MNAT1: variants seen among roughly 807,000 people sequenced by gnomAD.
The protein encoded by MNAT1 is MNAT1 component of CDK activating kinase.
Under a neutral mutation model 42.0 loss-of-function variants are expected in MNAT1, and 43 were observed. The observed-to-expected ratio is 1.02, with a 90% CI of 0.80 to 1.32. The LOEUF (loss-of-function observed/expected upper bound fraction) is 1.32, where lower values mean the gene tolerates loss of function less well. Among genes scored for constraint, MNAT1 ranks in the 40% most tolerant of loss-of-function variants. MNAT1 has a pLI of 0.00. For missense variants in MNAT1, 306 were observed against 350.4 expected (o/e 0.87, Z 1.01); for synonymous variants, 118 against 120.0 (o/e 0.98, Z 0.11).
chr14:60,944,194 A>G (rs1221633259), intron 7 of MNAT1, among the ~76,000 whole-genome samples: 1 of 152,204 alleles, frequency 6.6e-6, no homozygotes, highest in Non-Finnish European at 1.5e-5. Flanking sequence ...TAGACAGTTA[A>G]CTGACTCTTA....
intron 5 of MNAT1, among the ~76,000 whole-genome samples, chr14:60,815,341 A>G (rs1461152164): frequency 6.6e-6 from 1 of 151,588 alleles, no homozygotes; most frequent in Non-Finnish European, 1.5e-5. Context: ...TAGCCTCCCG[A>G]GTAGCTAGGA....
chr14:60,906,215 A>C (rs1296117938), intron 7 of MNAT1, among the ~76,000 whole-genome samples: 1 of 152,162 alleles, frequency 6.6e-6, no homozygotes, highest in Non-Finnish European at 1.5e-5. Context: ...TGGTAGGAGA[A>C]TAGGTTCAGA....
intron 6 of MNAT1, among the ~76,000 whole-genome samples, chr14:60,861,671 C>CAT (rs2034098689): frequency 6.6e-6 from 1 of 152,150 alleles, no homozygotes; most frequent in Non-Finnish European, 1.5e-5. Context: ...CCTGAATCAA[C>CAT]ATATTTTAGT....
At chr14:60,797,694 G>A (rs1329297866) in intron 2 of MNAT1, among the ~76,000 whole-genome samples, 4 of 152,134 alleles carry the variant, frequency 2.6e-5, no homozygotes, top group Non-Finnish European at 5.9e-5. Flanking sequence ...TTGGGAGGCC[G>A]AGGTGGTGGA....
At chr14:60,876,848 T>C (rs1007914727) in intron 6 of MNAT1, among the ~76,000 whole-genome samples, 3 of 152,136 alleles carry the variant, frequency 2.0e-5, no homozygotes, top group African/African-American at 7.2e-5. Context: ...GACACTGCGT[T>C]GCTTCCACAT....
intron 6 of MNAT1, among the ~76,000 whole-genome samples, chr14:60,821,125 C>T (rs935816873): frequency 6.6e-6 from 1 of 152,070 alleles, no homozygotes; most frequent in Non-Finnish European, 1.5e-5. Context: ...TTTCTCCTGC[C>T]CCCATCCACA....
intron 1 of MNAT1, among the ~76,000 whole-genome samples, chr14:60,751,777 G>A (rs1165775323): frequency 2.6e-5 from 4 of 151,178 alleles, no homozygotes; most frequent in African/African-American, 7.3e-5. Context: ...AAAAAAAAAA[G>A]AATTTTGAGA....
rs765674903 is a variant in MNAT1 at position 60,969,364 on chromosome 14, T to C, written c.*1015T>C. ...TCTCTATTACAACAGATGTTAGTTT[T>C]ATGGGTAGAAACTTAGGTGAAACAA... On this transcript the variant is annotated 3_prime_UTR_variant, in exon 8 of 8. Transcript: ENST00000261245. The C allele has an allele frequency of 6.6e-6, 1 of 152,298 alleles. No homozygotes were observed. The highest frequency in any genetic ancestry group is 1.5e-5 in the Non-Finnish European group (1 of 68,000). 9.4% of individuals were successfully genotyped at this position (152,298 alleles called of 1,614,324 possible). A position where few individuals can be genotyped will look rare whatever the true frequency, so the allele number is the denominator to read the frequency against.
At chr14:60,910,673 G>A (rs1276182117) in intron 7 of MNAT1, among the ~76,000 whole-genome samples, 5 of 152,212 alleles carry the variant, frequency 3.3e-5, no homozygotes, top group African/African-American at 1.2e-4. Flanking sequence ...CAGGGATGAA[G>A]TCCACTTGAT....
rs576916317 is a variant in MNAT1 at position 60,761,177 on chromosome 14, C to CT, written c.89+26234dup. Among the ~76,000 whole-genome samples, 168 of 151,936 alleles carry CT rather than the reference C, an allele frequency of 1.1e-3. No homozygotes were observed. In the East Asian group the frequency reaches 0.023, roughly 21 times the overall value. On this transcript the variant is annotated intron_variant, in intron 1 of 7. Coordinates refer to ENST00000261245, the MANE Select transcript of MNAT1 (RefSeq NM_002431.4). ...AAGCAACGTGTACTGGCTTGTGGTA[C>CT]TTTTTTTTGCCCACAGACTGAGTTA...
chr14:60,967,919 G>T (rs1482009265), intron 7 of MNAT1, among the ~76,000 whole-genome samples: 1 of 152,176 alleles, frequency 6.6e-6, no homozygotes, highest in Non-Finnish European at 1.5e-5. Context: ...CCAAAAAACA[G>T]CCAACAAAAC....
At chr14:60,793,855 G>GA (rs1312255402) in intron 1 of MNAT1, among the ~76,000 whole-genome samples, 1 of 151,936 alleles carries the variant, frequency 6.6e-6, no homozygotes, top group African/African-American at 2.4e-5. Flanking sequence ...AAGCTTTAAA[G>GA]AAAAAATATT....
At chr14:60,868,704 G>A (rs1222080503) in intron 6 of MNAT1, among the ~76,000 whole-genome samples, 1 of 152,108 alleles carries the variant, frequency 6.6e-6, no homozygotes, top group African/African-American at 2.4e-5. Flanking sequence ...ATGCCACAGA[G>A]TAAGCACAAT....
intron 6 of MNAT1, among the ~76,000 whole-genome samples, chr14:60,849,546 A>G (rs3783819): frequency 0.46 from 70,625 of 152,050 alleles, 20,218 homozygotes; most frequent in Non-Finnish European, 0.61. Flanking sequence ...TATGTCTGTT[A>G]TTATACTAAT....
At chr14:60,772,253 C>T (rs1197298228) in intron 1 of MNAT1, among the ~76,000 whole-genome samples, 1 of 152,030 alleles carries the variant, frequency 6.6e-6, no homozygotes, top group Non-Finnish European at 1.5e-5. Context: ...GGAGTGAGAC[C>T]CCCACATCTC....
intron 1 of MNAT1, among the ~76,000 whole-genome samples, chr14:60,773,285 T>C (rs1009003030): frequency 2.0e-5 from 3 of 152,058 alleles, no homozygotes; most frequent in Non-Finnish European, 4.4e-5. Context: ...TAGAGAAACT[T>C]TGAGAGTTGG....
chr14:60,813,113 C>T (rs1169988236), intron 5 of MNAT1, among the ~76,000 whole-genome samples: 2 of 152,196 alleles, frequency 1.3e-5, no homozygotes, highest in Non-Finnish European at 2.9e-5. Context: ...TTGTGGGCCC[C>T]CTCACCTGGG....
In MNAT1 at chr14:60,746,923, TACACACACACACACACACAC is replaced by T. The variant is rs61278549; in HGVS notation, c.89+12008_89+12027del. 3.7e-3 allele frequency among the ~76,000 whole-genome samples: 96 copies of T among 25,794 alleles called. 12 individuals are homozygous for T. Among genetic ancestry groups the T allele is most frequent in the South Asian group, 0.026 (17 of 652 alleles). 16.9% of individuals were successfully genotyped at this position (25,794 alleles called of 152,430 possible). On this transcript the variant is annotated intron_variant, in intron 1 of 7. Transcript: ENST00000261245. ...ATATATATATATATATATATATATA[TACACACACACACACACACAC>T]ACACACACACACACACACACACACA...
At chr14:60,780,086 AT>A in intron 1 of MNAT1, 1 of 1,463,906 alleles carries the variant, frequency 6.8e-7, no homozygotes. Flanking sequence ...TCAGCGTGGC[AT>A]TTATCCATCT....
Sources: gnomAD v4.1 joint callset for allele counts (sites outside exome capture counted in the v4.1 genomes callset) on GRCh38, gnomAD v4.1.1 for gene constraint, MANE v1.5 for transcripts, NCBI Gene and HGNC (gene_info 2026-07-23, HGNC 2026-07-21) for gene names.